RIT2: variants seen among roughly 807,000 people sequenced by gnomAD.
RIT2 encodes the protein GTP-binding protein Rit2.
RIT2 carries 24 observed loss-of-function variants against 23.7 expected under a neutral mutation model. The observed-to-expected ratio is 1.01, with a 90% CI of 0.73 to 1.43. The LOEUF is 1.43. Among genes scored for constraint, RIT2 ranks in the 40% most tolerant of loss-of-function variants. RIT2 has a pLI of 0.00. For synonymous variants in RIT2, 107 were observed against 91.1 expected, an observed-to-expected ratio of 1.17 and a Z score of -0.99; for missense variants, 236 against 266.9, an observed-to-expected ratio of 0.88 and a Z score of 0.81.
chr18:42,906,699 C>T (rs973361195), intron 4 of RIT2, among the ~76,000 whole-genome samples: 1 of 152,174 alleles, frequency 6.6e-6, no homozygotes, highest in Admixed American at 6.5e-5. Flanking sequence ...AAACAAATGA[C>T]ATACATCATT....
At chr18:43,086,515 A>G (rs1485507106) in intron 1 of RIT2, among the ~76,000 whole-genome samples, 1 of 152,156 alleles carries the variant, frequency 6.6e-6, no homozygotes, top group Non-Finnish European at 1.5e-5. Context: ...GGTAAAACGT[A>G]AATGTAACTG....
rs552495566 is a variant in RIT2, at chr18:42,886,457, C to G, written c.426+37115G>C. ...ATTGTATGAACTAATAACTCAACTG[C>G]TTTGTTTCTGCTATGGAATAGAGAG... On this transcript the variant is annotated intron_variant, in intron 4 of 4. Coordinates refer to ENST00000326695, the MANE Select transcript of RIT2 (RefSeq NM_002930.4). 2.0e-5 allele frequency among the ~76,000 whole-genome samples: 3 copies of G among 152,240 alleles called. No homozygotes were observed. The East Asian group carries it at 5.8e-4, about 29-fold the overall frequency.
intron 4 of RIT2, among the ~76,000 whole-genome samples, chr18:42,885,324 G>A (rs1472544059): frequency 2.0e-5 from 3 of 152,176 alleles, no homozygotes; most frequent in Non-Finnish European, 2.9e-5. Context: ...AGTGGCTCAC[G>A]CCCCTAATCC....
chr18:42,909,469 A>G (rs965436973), intron 4 of RIT2, among the ~76,000 whole-genome samples: 5 of 152,180 alleles, frequency 3.3e-5, no homozygotes, highest in African/African-American at 7.2e-5. Context: ...TTGTTGGAAT[A>G]CATTTAAAAA....
intron 4 of RIT2, among the ~76,000 whole-genome samples, chr18:42,817,231 A>T (rs534853101): frequency 5.3e-5 from 8 of 152,270 alleles, no homozygotes; most frequent in African/African-American, 1.9e-4. Flanking sequence ...TGATTATTTG[A>T]TTCACTGTGT....
At chr18:42,845,197 T>C (rs1906874168) in intron 4 of RIT2, among the ~76,000 whole-genome samples, 1 of 152,012 alleles carries the variant, frequency 6.6e-6, no homozygotes, top group Admixed American at 6.6e-5. Context: ...GAAGAGATTT[T>C]TCAGGGATCA....
intron 3 of RIT2, among the ~76,000 whole-genome samples, chr18:42,953,113 A>T (rs1019167863): frequency 1.4e-4 from 22 of 151,928 alleles, no homozygotes; most frequent in African/African-American, 5.3e-4. Context: ...TCTTCCCAAA[A>T]TGTGTAGCAA....
chr18:42,931,461 T>C (rs577335445), intron 3 of RIT2, among the ~76,000 whole-genome samples: 2 of 152,282 alleles, frequency 1.3e-5, no homozygotes, highest in East Asian at 3.9e-4. Flanking sequence ...CATTAGTCAT[T>C]TGTCTTACAC....
chr18:42,942,569 A>G (rs1909629761), intron 3 of RIT2, among the ~76,000 whole-genome samples: 1 of 152,026 alleles, frequency 6.6e-6, no homozygotes, highest in African/African-American at 2.4e-5. Flanking sequence ...GTCTGCGTGG[A>G]GTTTGCACAT....
At chr18:42,992,034 C>T (rs1598741080) in intron 2 of RIT2, among the ~76,000 whole-genome samples, 1 of 151,950 alleles carries the variant, frequency 6.6e-6, no homozygotes, top group South Asian at 2.1e-4. Flanking sequence ...TATTTCCACG[C>T]CTCAACCCCT....
intron 1 of RIT2, among the ~76,000 whole-genome samples, chr18:43,115,077 A>G (rs1343113283): frequency 6.6e-6 from 1 of 152,152 alleles, no homozygotes; most frequent in Admixed American, 6.5e-5. Context: ...AAGATTTTTG[A>G]GACTAGGAGC....
At chr18:42,923,438 A>G (rs1189016342) in intron 4 of RIT2, 134 bp downstream of exon 4, 10 of 788,730 alleles carry the variant, frequency 1.3e-5, no homozygotes, top group Non-Finnish European at 1.5e-5. Flanking sequence ...TGGGACCACC[A>G]TGACTTATTA....
chr18:42,874,915 T>C (rs1457252888), intron 4 of RIT2, among the ~76,000 whole-genome samples: 2 of 152,116 alleles, frequency 1.3e-5, no homozygotes, highest in Non-Finnish European at 2.9e-5. Flanking sequence ...AGAATCACAC[T>C]GCAGAGCCAG....
intron 2 of RIT2, among the ~76,000 whole-genome samples, chr18:43,006,800 A>G (rs1435046136): frequency 6.6e-6 from 1 of 151,602 alleles, no homozygotes; most frequent in Non-Finnish European, 1.5e-5. Flanking sequence ...ACTATAATTC[A>G]AGATGATTTT....
At chr18:42,992,356 CAA>C (rs1333509011) in intron 2 of RIT2, among the ~76,000 whole-genome samples, 1 of 152,134 alleles carries the variant, frequency 6.6e-6, no homozygotes, top group Non-Finnish European at 1.5e-5. Context: ...GTAAAATGGG[CAA>C]ATGGTCTGAG....
intron 4 of RIT2, among the ~76,000 whole-genome samples, chr18:42,866,120 C>G (rs1485695930): frequency 1.3e-5 from 2 of 152,146 alleles, no homozygotes; most frequent in Non-Finnish European, 2.9e-5. Context: ...ATGCCTTGGA[C>G]CTGAGTGGGT....
chr18:43,033,629 A>G (rs1173772009), intron 2 of RIT2, among the ~76,000 whole-genome samples, 182 bp downstream of exon 2: 1 of 152,172 alleles, frequency 6.6e-6, no homozygotes, highest in Admixed American at 6.5e-5. Flanking sequence ...GGCAAGAAGT[A>G]AGGACAAATA....
At chr18:43,031,669 T>C (rs1225621430) in intron 2 of RIT2, among the ~76,000 whole-genome samples, 2 of 152,044 alleles carry the variant, frequency 1.3e-5, no homozygotes, top group Non-Finnish European at 2.9e-5. Context: ...CTGAGGTATA[T>C]TTGAAAGAAG....
chr18:42,791,528 C>T (rs752919816), intron 4 of RIT2, among the ~76,000 whole-genome samples: 24 of 152,182 alleles, frequency 1.6e-4, no homozygotes, highest in Admixed American at 2.6e-4. Context: ...ATTAGTGTCC[C>T]GCTGACCTGT....
Sources: allele counts gnomAD v4.1 joint callset (sites outside exome capture counted in the v4.1 genomes callset), GRCh38; gene constraint gnomAD v4.1.1; transcripts MANE v1.5; gene names NCBI Gene and HGNC (gene_info 2026-07-23, HGNC 2026-07-21).